The following EPB41L4A variants were observed in gnomAD, a reference collection of about 807,000 sequenced individuals.
EPB41L4A encodes band 4.1-like protein 4A.
A neutral mutation model predicts 108.6 loss-of-function variants in EPB41L4A; 100 were observed. The observed-to-expected ratio is 0.92, with a 90% CI of 0.78 to 1.09. The LOEUF (loss-of-function observed/expected upper bound fraction) is 1.09, where lower values mean the gene tolerates loss of function less well. Among genes scored for constraint, EPB41L4A ranks in the 50% least tolerant of loss-of-function variants. EPB41L4A has a pLI of 0.00. For synonymous variants in EPB41L4A, 319 were observed against 289.0 expected, an observed-to-expected ratio of 1.10 and a Z score of -1.05; for missense variants, 1,030 against 842.7, an observed-to-expected ratio of 1.22 and a Z score of -2.75.
At chr5:112,375,080 A>G (rs554848125) in intron 1 of EPB41L4A, among the ~76,000 whole-genome samples, 1 of 152,304 alleles carries the variant, frequency 6.6e-6, no homozygotes, top group Admixed American at 6.5e-5. Context: ...CTCCTAGTGC[A>G]GGAAGAAACC....
chr5:112,187,497 CCATA>C (rs2150244700), intron 17 of EPB41L4A, among the ~76,000 whole-genome samples: 1 of 152,310 alleles, frequency 6.6e-6, no homozygotes, highest in South Asian at 2.1e-4. Flanking sequence ...TCCAGACTAT[CCATA>C]CAATTTAGAT....
chr5:112,411,423 C>T (rs1254072091), intron 1 of EPB41L4A, among the ~76,000 whole-genome samples: 1 of 152,118 alleles, frequency 6.6e-6, no homozygotes, highest in Admixed American at 6.5e-5. Context: ...CAACCTTAGG[C>T]AGGGGTGGCA....
intron 1 of EPB41L4A, among the ~76,000 whole-genome samples, chr5:112,344,954 G>C (rs1213881420): frequency 2.6e-5 from 4 of 152,290 alleles, no homozygotes; most frequent in Admixed American, 2.0e-4. Context: ...TCTTAACATA[G>C]TGCCTGCCAC....
At chr5:112,274,504 C>A (rs879634786) in intron 4 of EPB41L4A, among the ~76,000 whole-genome samples, 9 of 152,094 alleles carry the variant, frequency 5.9e-5, no homozygotes, top group South Asian at 4.1e-4. Flanking sequence ...AAGTCTGAGA[C>A]AGATGAAAGC....
Position 112,325,189 on chromosome 5 carries a change from C to T in EPB41L4A, c.100-17699G>A, listed in dbSNP as rs141382920. On this transcript the variant is annotated intron_variant, in intron 1 of 22. Coordinates refer to ENST00000261486, the MANE Select transcript of EPB41L4A (RefSeq NM_022140.5). ...GGGCGCGGTGGCTCACGCCTGTAAT[C>T]CCAGTACTTTGGGAAGCTGAGGCGG... is the stretch of plus-strand genomic sequence containing the variant. Among the ~76,000 whole-genome samples the T allele has an allele frequency of 7.0e-3, 1,072 of 152,290 alleles. 18 individuals are homozygous for T. The highest frequency in any genetic ancestry group is 0.025 in the African/African-American group (1,046 of 41,548).
intron 1 of EPB41L4A, among the ~76,000 whole-genome samples, chr5:112,338,343 G>C (rs1430178447): frequency 6.6e-6 from 1 of 152,042 alleles, no homozygotes; most frequent in Non-Finnish European, 1.5e-5. Flanking sequence ...CTTTCTCCCT[G>C]TCTGCTGGTG....
chr5:112,208,989 T>C (rs1015387200), intron 13 of EPB41L4A, among the ~76,000 whole-genome samples: 8 of 152,174 alleles, frequency 5.3e-5, no homozygotes, highest in African/African-American at 1.7e-4. Context: ...AAACAAAACA[T>C]AGGCAAATCC....
chr5:112,208,269 A>G (rs529449442), intron 13 of EPB41L4A, among the ~76,000 whole-genome samples: 264 of 149,500 alleles, frequency 1.8e-3, no homozygotes, highest in African/African-American at 6.3e-3. Flanking sequence ...AAAAAGACAC[A>G]TACACTTACA....
At position 112,280,313 on chromosome 5, in the gene EPB41L4A, T is replaced by C. The variant is rs199799127; in HGVS notation, c.215A>G (p.Asp72Gly). The change falls in exon 3 of 23, where the codon GAT (aspartate) becomes GGT (glycine). Residue 72 changes from aspartate to glycine, a missense_variant. By Grantham distance (94) the Asp-to-Gly change is moderately conservative. Coordinates refer to ENST00000261486, the MANE Select transcript of EPB41L4A (RefSeq NM_022140.5). The part of the protein sequence containing the change: ...CDRSHQTYWL[D>G]PAKTLAEHKE... ...GTGTTCAGCAAGGGTTTTTGCAGGA[T>C]CCAGCCAATACTGTGTGAGGAAGAA... 1,510 of 1,613,830 alleles carry C rather than the reference T, an allele frequency of 9.4e-4. 1 individual carries two copies. The highest frequency in any genetic ancestry group is 1.2e-3 in the Non-Finnish European group (1,464 of 1,179,808).
chr5:112,329,585 G>A (rs1414200347), intron 1 of EPB41L4A, among the ~76,000 whole-genome samples: 1 of 152,122 alleles, frequency 6.6e-6, no homozygotes, highest in Non-Finnish European at 1.5e-5. Flanking sequence ...AAGATGCTGA[G>A]ACTCCACATT....
intron 18 of EPB41L4A, among the ~76,000 whole-genome samples, chr5:112,179,642 C>G (rs1212368701): frequency 6.6e-6 from 1 of 152,148 alleles, no homozygotes; most frequent in African/African-American, 2.4e-5. Flanking sequence ...CAAAACTCTT[C>G]ACTAACTCTT....
intron 8 of EPB41L4A, 59 bp from the exon 9 acceptor site, chr5:112,259,351 C>T: frequency 7.1e-7 from 1 of 1,417,856 alleles, no homozygotes; most frequent in Non-Finnish European, 1.0e-6. Flanking sequence ...TTCAGAAAAT[C>T]AGGGAAGTAT....
intron 1 of EPB41L4A, among the ~76,000 whole-genome samples, chr5:112,309,461 G>A (rs910815021): frequency 3.3e-5 from 5 of 152,184 alleles, no homozygotes; most frequent in East Asian, 1.9e-4. Flanking sequence ...GACGTGGTAG[G>A]TGGAGGTGTA....
In EPB41L4A at chr5:112,201,112, C is replaced by T. The variant is rs544225125; in HGVS notation, c.1376+3263G>A. Among the ~76,000 whole-genome samples the T allele has an allele frequency of 4.6e-4, 70 of 152,292 alleles. 1 individual carries two copies. The highest frequency in any genetic ancestry group is 1.2e-3 in the African/African-American group (49 of 41,558). ...AGATAAAAAAGACTGACAAGGACAA[C>T]GACACTTATAGGGCATTCATACTGG... On this transcript the variant is annotated intron_variant, in intron 15 of 22. Transcript: ENST00000261486.
At chr5:112,320,560 C>T (rs1370854650) in intron 1 of EPB41L4A, among the ~76,000 whole-genome samples, 7 of 152,088 alleles carry the variant, frequency 4.6e-5, no homozygotes, top group African/African-American at 7.2e-5. Flanking sequence ...AGCCTGTTTC[C>T]GATTCTACAA....
intron 12 of EPB41L4A, among the ~76,000 whole-genome samples, chr5:112,218,331 T>C (rs1747803838): frequency 6.6e-6 from 1 of 152,184 alleles, no homozygotes; most frequent in Non-Finnish European, 1.5e-5. Flanking sequence ...CTATGAATGG[T>C]CAGCTGGAAT....
chr5:112,379,478 A>G (rs1760031323), intron 1 of EPB41L4A, among the ~76,000 whole-genome samples: 1 of 152,206 alleles, frequency 6.6e-6, no homozygotes, highest in Non-Finnish European at 1.5e-5. Flanking sequence ...CAGCCTGAAC[A>G]TTGAAGAAAT....
intron 17 of EPB41L4A, among the ~76,000 whole-genome samples, chr5:112,192,485 C>A (rs1406011666): frequency 2.0e-5 from 3 of 152,284 alleles, no homozygotes; most frequent in Admixed American, 6.5e-5. Flanking sequence ...TTGCATGAAA[C>A]GTGTCGGAAT....
At chr5:112,288,092 A>C (rs1753402945) in intron 2 of EPB41L4A, among the ~76,000 whole-genome samples, 1 of 152,228 alleles carries the variant, frequency 6.6e-6, no homozygotes, top group African/African-American at 2.4e-5. Context: ...TCAGGTAAAC[A>C]TGCTATAACT....
Sources: gnomAD v4.1 joint callset for allele counts (sites outside exome capture counted in the v4.1 genomes callset) on GRCh38, gnomAD v4.1.1 for gene constraint, MANE v1.5 for transcripts, NCBI Gene and HGNC (gene_info 2026-07-23, HGNC 2026-07-21) for gene names.